TENM4: variants seen among roughly 807,000 people sequenced by gnomAD.
TENM4 encodes the protein teneurin transmembrane protein 4.
A neutral mutation model predicts 243.3 loss-of-function variants in TENM4; 82 were observed. The ratio of observed to expected loss-of-function variants is 0.34; its 90% CI spans 0.28 to 0.40. The LOEUF (loss-of-function observed/expected upper bound fraction) is 0.40, where lower values mean the gene tolerates loss of function less well. TENM4 is among the 10% of genes least tolerant of loss of function. TENM4 has a pLI of 1.00. For missense variants in TENM4, 3,138 were observed against 3,673.3 expected (o/e 0.85, Z 3.77); for synonymous variants, 1,412 against 1,456.3 (o/e 0.97, Z 0.69).
At chr11:78,860,378 A>G (rs997001267) in intron 10 of TENM4, among the ~76,000 whole-genome samples, 2 of 152,212 alleles carry the variant, frequency 1.3e-5, no homozygotes, top group African/African-American at 4.8e-5. Flanking sequence ...GCCAATATAA[A>G]GCAGGGTCAG....
chr11:79,099,245 A>G (rs1861161745), intron 4 of TENM4, among the ~76,000 whole-genome samples: 2 of 151,886 alleles, frequency 1.3e-5, no homozygotes, highest in East Asian at 3.9e-4. Flanking sequence ...TGCTGCTGGG[A>G]TTTCCTTCTG....
chr11:78,676,974 A>C (rs1266233651), intron 29 of TENM4, among the ~76,000 whole-genome samples: 1 of 152,158 alleles, frequency 6.6e-6, no homozygotes, highest in Non-Finnish European at 1.5e-5. Flanking sequence ...CCAAAGGCTG[A>C]GGGGCAGGAG....
intron 9 of TENM4, among the ~76,000 whole-genome samples, chr11:78,882,861 G>C (rs758436757): frequency 1.2e-4 from 19 of 152,180 alleles, no homozygotes; most frequent in Non-Finnish European, 2.6e-4. Context: ...TTCAAGCAAG[G>C]GTTCTGATTT....
chr11:79,305,289 A>C (rs1263043709), intron 1 of TENM4, among the ~76,000 whole-genome samples: 1 of 152,232 alleles, frequency 6.6e-6, no homozygotes, highest in Non-Finnish European at 1.5e-5. Flanking sequence ...TTCAGAGCTG[A>C]TGTGAGAATT....
intron 1 of TENM4, among the ~76,000 whole-genome samples, chr11:79,359,742 A>T (rs1857559671): frequency 6.6e-6 from 1 of 152,086 alleles, no homozygotes; most frequent in African/African-American, 2.4e-5. Context: ...CTTTTAAAAA[A>T]CTTTTAAAAG....
intron 1 of TENM4, among the ~76,000 whole-genome samples, chr11:79,414,070 T>C (rs1177241962): frequency 2.6e-5 from 4 of 151,956 alleles, no homozygotes; most frequent in Non-Finnish European, 5.9e-5. Context: ...AAAATTCAAC[T>C]TGACTTTGCT....
At chr11:79,337,400 G>C (rs777346114) in intron 1 of TENM4, among the ~76,000 whole-genome samples, 1 of 152,226 alleles carries the variant, frequency 6.6e-6, no homozygotes, top group Non-Finnish European at 1.5e-5. Context: ...AGGTCAGAAG[G>C]GGGTACTTGT....
At chr11:79,272,690 G>T (rs1855989786) in intron 2 of TENM4, among the ~76,000 whole-genome samples, 1 of 151,936 alleles carries the variant, frequency 6.6e-6, no homozygotes. Context: ...TCTGCTTGGG[G>T]CATGCTCCCC....
At chr11:78,745,567 T>C (rs1299121403) in intron 19 of TENM4, among the ~76,000 whole-genome samples, 6 of 152,118 alleles carry the variant, frequency 3.9e-5, no homozygotes, top group Admixed American at 2.0e-4. Flanking sequence ...TTGATCTCCC[T>C]CAGAATGCCT....
At chr11:79,319,219 T>C in intron 1 of TENM4, among the ~76,000 whole-genome samples, 1 of 152,214 alleles carries the variant, frequency 6.6e-6, no homozygotes, top group East Asian at 1.9e-4. Context: ...CCCTTTTCCT[T>C]AAACCAGGAC....
intron 6 of TENM4, among the ~76,000 whole-genome samples, chr11:79,003,383 A>G (rs897588368): frequency 2.0e-5 from 3 of 152,074 alleles, no homozygotes; most frequent in Non-Finnish European, 4.4e-5. Context: ...AAAAAAAAAA[A>G]AGTTAATGGC....
chr11:79,390,717 G>A (rs528096076), intron 1 of TENM4, among the ~76,000 whole-genome samples: 4 of 152,300 alleles, frequency 2.6e-5, no homozygotes, highest in African/African-American at 7.2e-5. Flanking sequence ...GTAAGCTCCT[G>A]AAGGCCAGTA....
intron 20 of TENM4, among the ~76,000 whole-genome samples, chr11:78,734,985 A>T (rs1365439094): frequency 1.3e-5 from 2 of 152,210 alleles, no homozygotes; most frequent in Non-Finnish European, 2.9e-5. Context: ...AGAGACCTCA[A>T]TGCAGGATCT....
In TENM4 at chr11:78,814,338, G is replaced by T. The variant is rs1857560906; in HGVS notation, c.1739C>A (p.Thr580Asn). The T allele has an allele frequency of 6.4e-7, 1 of 1,550,616 alleles. No individual in the cohort carries two copies. Among genetic ancestry groups the T allele is most frequent in the East Asian group, 2.5e-5 (1 of 40,796 alleles). ...CAGGAAACCCAGGAAGCAGTGGCAG[G>T]TCCCAGAGATGCAGTCACCATTGCC... Reference protein sequence around the residue: ...CYGNGDCISGTCHCFLGFLGP... With the variant: ...CYGNGDCISGNCHCFLGFLGP... Residue 580 changes from threonine (T) to asparagine (N), a missense_variant, in exon 13 of 34, where the codon ACC (threonine) becomes AAC (asparagine). Physicochemically the swap from Thr to Asn is moderately conservative, Grantham distance 65. Around this residue, in one of 2 missense-constraint regions of TENM4, gnomAD observed 2,467 missense variants for 3,059.1 expected, o/e 0.81. Transcript: ENST00000278550.
chr11:79,369,126 G>C (rs1857732370), intron 1 of TENM4, among the ~76,000 whole-genome samples: 1 of 152,082 alleles, frequency 6.6e-6, no homozygotes, highest in Non-Finnish European at 1.5e-5. Flanking sequence ...CATCCTAGCT[G>C]AGAATGAAAT....
intron 6 of TENM4, among the ~76,000 whole-genome samples, chr11:78,954,032 G>C (rs746454798): frequency 1.3e-5 from 2 of 152,088 alleles, no homozygotes; most frequent in East Asian, 3.9e-4. Flanking sequence ...ATTTTTTTTA[G>C]TTGTTTAATC....
intron 2 of TENM4, among the ~76,000 whole-genome samples, chr11:79,293,920 T>C (rs1378617138): frequency 6.6e-6 from 1 of 152,194 alleles, no homozygotes; most frequent in Non-Finnish European, 1.5e-5. Flanking sequence ...CATGGACCTG[T>C]AGGCAGAAAG....
rs549600898 is a variant in TENM4, at chr11:78,658,187, C to G, written c.8181G>C (p.Gln2727His). 81 of 1,614,052 alleles carry G rather than the reference C, an allele frequency of 5.0e-5. 1 individual carries two copies. The South Asian group carries it at 7.6e-4, about 15-fold the overall frequency. Residue 2727 changes from glutamine (Q) to histidine (H), a missense_variant, in exon 34 of 34, where the codon CAG (glutamine) becomes CAC (histidine). By Grantham distance (24) the Gln-to-His change is conservative. Around this residue, in one of 2 missense-constraint regions of TENM4, gnomAD observed 2,467 missense variants for 3,059.1 expected, o/e 0.81. Coordinates refer to ENST00000278550, the MANE Select transcript of TENM4 (RefSeq NM_001098816.3). ...LRAWTEGEKQ[Q>H]VLSTGRVQGY... ...CTTGCACCCGCCCTGTGCTCAGCAC[C>G]TGCTGCTTCTCCCCCTCTGTCCAGG...
At chr11:78,886,466 T>C (rs376291070) in intron 9 of TENM4, among the ~76,000 whole-genome samples, 30 of 152,358 alleles carry the variant, frequency 2.0e-4, no homozygotes, top group Admixed American at 7.8e-4. Context: ...ACCCCCTAGC[T>C]TGTGAAGCAA....
Sources: gnomAD v4.1 joint callset for allele counts (sites outside exome capture counted in the v4.1 genomes callset) on GRCh38, gnomAD v4.1.1 for gene constraint, gnomAD v4.1.1 regional missense constraint, MANE v1.5 for transcripts, NCBI Gene and HGNC (gene_info 2026-07-23, HGNC 2026-07-21) for gene names.